IGSF11: variants seen among roughly 807,000 people sequenced by gnomAD.
The protein encoded by IGSF11 is immunoglobulin superfamily member 11, also known as CXADR like 1.
A neutral mutation model predicts 41.0 loss-of-function variants in IGSF11; 22 were observed. The ratio of observed to expected loss-of-function variants is 0.54; its 90% CI spans 0.38 to 0.77. The LOEUF is 0.77. Ranked by LOEUF, IGSF11 falls within the 30% of genes least tolerant of loss-of-function variation. The probability of loss-of-function intolerance (pLI) is 0.00; values close to 1 mark genes in which losing one functional copy is unlikely to be tolerated. For missense variants in IGSF11, 444 were observed against 530.8 expected (o/e 0.84, Z 1.61); for synonymous variants, 219 against 201.3 (o/e 1.09, Z -0.74).
intron 1 of IGSF11, among the ~76,000 whole-genome samples, chr3:119,044,389 CA>C (rs2107750886): frequency 6.6e-6 from 1 of 151,922 alleles, no homozygotes; most frequent in East Asian, 1.9e-4. Context: ...AAAAAATAAA[CA>C]AAGCCTCCAA....
intron 1 of IGSF11, among the ~76,000 whole-genome samples, chr3:119,136,241 G>A (rs955035554): frequency 2.0e-5 from 3 of 151,394 alleles, no homozygotes; most frequent in African/African-American, 7.3e-5. Flanking sequence ...AAGACAGAAA[G>A]GAAAGAAAGA....
chr3:118,946,229 C>CAT (rs573595683), intron 1 of IGSF11, among the ~76,000 whole-genome samples: 65 of 147,892 alleles, frequency 4.4e-4, no homozygotes, highest in African/African-American at 9.3e-4. Context: ...CACACACAAA[C>CAT]ATATATATAT....
intron 1 of IGSF11, among the ~76,000 whole-genome samples, chr3:119,004,732 T>C (rs1353032447): frequency 2.0e-5 from 3 of 148,734 alleles, no homozygotes; most frequent in Non-Finnish European, 4.4e-5. Context: ...CCAGTAGTCA[T>C]TCAGGAGCAG....
chr3:119,050,004 T>C (rs1243828153), intron 1 of IGSF11, among the ~76,000 whole-genome samples: 1 of 146,524 alleles, frequency 6.8e-6, no homozygotes, highest in Non-Finnish European at 1.5e-5. Flanking sequence ...CAATTCAAGA[T>C]GGATTAAAGA....
At chr3:119,103,669 A>C (rs998074479) in intron 1 of IGSF11, among the ~76,000 whole-genome samples, 14 of 151,744 alleles carry the variant, frequency 9.2e-5, no homozygotes, top group Non-Finnish European at 4.4e-5. Context: ...TATCCAATGC[A>C]GAGTCTCTTT....
intron 1 of IGSF11, among the ~76,000 whole-genome samples, chr3:119,089,039 CA>C (rs1281644268): frequency 5.3e-5 from 8 of 151,980 alleles, no homozygotes; most frequent in South Asian, 2.1e-4. Context: ...TGAAACTATT[CA>C]AAAAAATCGA....
intron 1 of IGSF11, among the ~76,000 whole-genome samples, chr3:118,977,776 G>A (rs1045821722): frequency 3.9e-5 from 6 of 152,066 alleles, no homozygotes; most frequent in African/African-American, 1.2e-4. Context: ...GAAACCACAC[G>A]AAGGCACTGT....
At chr3:118,998,539 T>C (rs936481024) in intron 1 of IGSF11, among the ~76,000 whole-genome samples, 6 of 151,712 alleles carry the variant, frequency 4.0e-5, no homozygotes, top group African/African-American at 1.5e-4. Flanking sequence ...CTTTCATTTA[T>C]GGTGAATAAG....
chr3:119,059,091 T>A lies in IGSF11; in HGVS notation c.49+46053A>T, dbSNP rs1488913177. 5.3e-5 allele frequency among the ~76,000 whole-genome samples: 8 copies of A among 151,954 alleles called. 1 individual carries two copies. The highest frequency in any genetic ancestry group is 3.9e-4 in the East Asian group (2 of 5,178). On this transcript the variant is annotated intron_variant, in intron 1 of 6. Transcript: ENST00000354673. The stretch of plus-strand genomic sequence containing the variant: ...TATACATATGTAACAAACCTGCACG[T>A]TGTGCACATGTACCCTAAAACTTAA...
intron 1 of IGSF11, among the ~76,000 whole-genome samples, chr3:118,961,249 T>A (rs1287832724): frequency 6.6e-6 from 1 of 152,220 alleles, no homozygotes; most frequent in Admixed American, 6.5e-5. Flanking sequence ...TTGAAGAAAC[T>A]TGCGGGCACC....
At chr3:119,080,568 C>T (rs2076570810) in intron 1 of IGSF11, among the ~76,000 whole-genome samples, 1 of 152,084 alleles carries the variant, frequency 6.6e-6, no homozygotes. Flanking sequence ...GGGCAGAAGC[C>T]TGAGATGGTG....
At chr3:119,076,253 CA>C (rs1559853301) in intron 1 of IGSF11, among the ~76,000 whole-genome samples, 2 of 152,012 alleles carry the variant, frequency 1.3e-5, no homozygotes, top group African/African-American at 2.4e-5. Flanking sequence ...CTTATACAAA[CA>C]TTAATTCAAG....
At position 118,940,888 on chromosome 3, in the gene IGSF11, A is replaced by G. The variant is rs1397141924; in HGVS notation, c.53-10613T>C. On this transcript the variant is annotated intron_variant, in intron 1 of 6. Coordinates refer to ENST00000393775, the MANE Select transcript of IGSF11 (RefSeq NM_001015887.3). ...TCTTTTTGAAAAACTGCACTGGGGG[A>G]AAAAATAATCTCCATATGCCAAAAA... is the stretch of plus-strand genomic sequence containing the variant. Among the ~76,000 whole-genome samples the G allele has an allele frequency of 2.7e-5, 4 of 146,960 alleles. No homozygotes were observed. In the East Asian group the frequency reaches 7.8e-4, roughly 29 times the overall value.
At chr3:119,025,467 T>C (rs1939729885) in intron 1 of IGSF11, among the ~76,000 whole-genome samples, 1 of 150,584 alleles carries the variant, frequency 6.6e-6, no homozygotes, top group Admixed American at 6.6e-5. Flanking sequence ...ACTTGCTGTA[T>C]GTCAGGCACT....
At chr3:119,015,779 G>C (rs1276736835) in intron 1 of IGSF11, among the ~76,000 whole-genome samples, 1 of 151,538 alleles carries the variant, frequency 6.6e-6, no homozygotes, top group Non-Finnish European at 1.5e-5. Context: ...ATAATGTTAA[G>C]AGCTGGGGGA....
In IGSF11 at chr3:119,055,343, T is replaced by C. The variant is rs148137507; in HGVS notation, c.49+49801A>G. On this transcript the variant is annotated intron_variant, in intron 1 of 6. Transcript: ENST00000354673. ...CTGGATGGAGAATGACTTTGACAAG[T>C]TGAGAGAAGAAGGCTAAAAGAGACA... Among the ~76,000 whole-genome samples the C allele has an allele frequency of 2.2e-3, 337 of 152,204 alleles. 1 individual carries two copies. Among genetic ancestry groups the C allele is most frequent in the African/African-American group, 7.9e-3 (328 of 41,546 alleles).
chr3:119,029,729 T>C (rs1045806586), intron 1 of IGSF11, among the ~76,000 whole-genome samples: 27 of 152,236 alleles, frequency 1.8e-4, no homozygotes, highest in Non-Finnish European at 4.0e-4. Flanking sequence ...TAGGACACTG[T>C]TCTGTTTCCA....
chr3:119,050,932 T>C (rs1417937703), intron 1 of IGSF11, among the ~76,000 whole-genome samples: 1 of 139,236 alleles, frequency 7.2e-6, no homozygotes, highest in Admixed American at 8.2e-5. Context: ...CACTCATAGG[T>C]GGGAATTGAA....
chr3:119,009,895 A>G (rs1326976494), intron 1 of IGSF11, among the ~76,000 whole-genome samples: 1 of 152,092 alleles, frequency 6.6e-6, no homozygotes, highest in African/African-American at 2.4e-5. Context: ...ATCTACCTTG[A>G]ATTATACTAT....
Sources: allele counts gnomAD v4.1 joint callset (sites outside exome capture counted in the v4.1 genomes callset), GRCh38; gene constraint gnomAD v4.1.1; transcripts MANE v1.5; gene names NCBI Gene and HGNC (gene_info 2026-07-23, HGNC 2026-07-21).